The following FAM3D variants were observed in gnomAD, a reference collection of about 807,000 sequenced individuals.
FAM3D encodes FAM3 metabolism regulating signaling molecule D, also known as protein FAM3D.
In FAM3D, 26 loss-of-function variants were observed where a neutral mutation model predicts 29.8. The observed-to-expected ratio is 0.87, with a 90% CI of 0.64 to 1.21. The LOEUF is 1.21. Among genes scored for constraint, FAM3D ranks in the 50% most tolerant of loss-of-function variants. The pLI, the probability that FAM3D is intolerant of heterozygous loss-of-function variation, is 0.00. For missense variants in FAM3D, 253 were observed against 290.9 expected (o/e 0.87, Z 0.95); for synonymous variants, 115 against 102.3 (o/e 1.12, Z -0.75).
intron 5 of FAM3D, among the ~76,000 whole-genome samples, chr3:58,644,367 T>C (rs574700229): frequency 2.0e-5 from 3 of 152,304 alleles, no homozygotes; most frequent in Admixed American, 6.5e-5. Flanking sequence ...GTTCTCATGA[T>C]AGTGAGTAAA....
rs780113389 is a variant in FAM3D, at chr3:58,653,758, T to C, written c.37A>G (p.Ile13Val). 33 of 1,613,818 alleles carry C rather than the reference T, an allele frequency of 2.0e-5. No individual in the cohort carries two copies. In the Admixed American group the frequency reaches 2.2e-4, roughly 11 times the overall value. The part of the protein sequence containing the change: ...VSGVLRLLAL[I>V]FAIVTTWMFI... ...ATCCATGTCGTGACTATGGCAAAGA[T>C]GAGGGCCAGGAGGCGAAGCACACCT... Residue 13 changes from isoleucine to valine, a missense_variant, in exon 3 of 10, where the codon ATC (isoleucine) becomes GTC (valine). Transcript: ENST00000358781.
chr3:58,666,043 A>G (rs1284104367), intron 1 of FAM3D, among the ~76,000 whole-genome samples: 1 of 152,206 alleles, frequency 6.6e-6, no homozygotes, highest in Non-Finnish European at 1.5e-5. Context: ...TCAGATCATT[A>G]CCTTATGAGA....
intron 2 of FAM3D, among the ~76,000 whole-genome samples, chr3:58,654,362 G>A (rs1356529856): frequency 6.6e-6 from 1 of 152,208 alleles, no homozygotes; most frequent in Non-Finnish European, 1.5e-5. Context: ...GGTGGCTTGG[G>A]GTTGGGGCTG....
At chr3:58,656,082 T>C (rs1365417637) in intron 1 of FAM3D, among the ~76,000 whole-genome samples, 2 of 152,078 alleles carry the variant, frequency 1.3e-5, no homozygotes, top group Non-Finnish European at 2.9e-5. Flanking sequence ...CCTCCTTCCC[T>C]TCCTTCCTTC....
intron 3 of FAM3D, among the ~76,000 whole-genome samples, chr3:58,651,986 C>T (rs1374143182): frequency 1.3e-5 from 2 of 152,302 alleles, no homozygotes; most frequent in South Asian, 2.1e-4. Flanking sequence ...GAAGGAGTGA[C>T]TGGTTTACTT....
intron 1 of FAM3D, among the ~76,000 whole-genome samples, chr3:58,665,723 A>C (rs1195854897): frequency 6.6e-6 from 1 of 152,200 alleles, no homozygotes; most frequent in East Asian, 1.9e-4. Context: ...GGAAGTTATT[A>C]AATCTCTCAC....
At chr3:58,643,389 C>A (rs574400254) in intron 6 of FAM3D, among the ~76,000 whole-genome samples, 1 of 152,352 alleles carries the variant, frequency 6.6e-6, no homozygotes, top group African/African-American at 2.4e-5. Flanking sequence ...CTTTGAGGAT[C>A]GGGTCATGTT....
intron 1 of FAM3D, among the ~76,000 whole-genome samples, chr3:58,661,198 G>A (rs1362663378): frequency 3.9e-5 from 6 of 152,192 alleles, no homozygotes; most frequent in African/African-American, 1.4e-4. Context: ...CCTGTGCCCT[G>A]GGTGTGGCCT....
chr3:58,634,131 G>C lies in FAM3D; in HGVS notation c.*148C>G. The C allele has an allele frequency of 4.6e-6, 3 of 649,216 alleles. No homozygotes were observed. Among genetic ancestry groups the C allele is most frequent in the Non-Finnish European group, 7.9e-6 (3 of 379,876 alleles). 40.2% of individuals were successfully genotyped at this position (649,216 alleles called of 1,614,324 possible). Reference sequence around the variant, plus strand: ...GCTGTGGGAGGGTTCTGTTTCCGAGGAGGAGAGGCGCGACACAGCGTGCAA... The same window carrying C: ...GCTGTGGGAGGGTTCTGTTTCCGAGCAGGAGAGGCGCGACACAGCGTGCAA... On this transcript the variant is annotated 3_prime_UTR_variant, in exon 10 of 10. Coordinates refer to ENST00000358781, the MANE Select transcript of FAM3D (RefSeq NM_138805.3). This position sits in a 1 kb window ranked among gnomAD's most constrained non-coding sequence, Gnocchi z 4.6.
intron 1 of FAM3D, among the ~76,000 whole-genome samples, chr3:58,659,776 C>T (rs574373633): frequency 8.1e-4 from 124 of 152,334 alleles, no homozygotes; most frequent in African/African-American, 2.8e-3. Context: ...GAGCTGCTCC[C>T]TCCATCTAAA....
intron 4 of FAM3D, 92 bp from the exon 5 acceptor site, chr3:58,645,718 A>C (rs1371799427): frequency 1.9e-6 from 2 of 1,072,086 alleles, no homozygotes; most frequent in Non-Finnish European, 2.9e-6. Context: ...GCCAGGGCGC[A>C]GCTTGGGATG....
intron 5 of FAM3D, 79 bp from the exon 6 acceptor site, chr3:58,643,799 C>G: frequency 7.7e-7 from 1 of 1,305,718 alleles, no homozygotes; most frequent in Non-Finnish European, 1.1e-6. Context: ...TGGGGAACTC[C>G]GTGAGGACCC....
At chr3:58,663,105 G>A (rs2106960904) in intron 1 of FAM3D, among the ~76,000 whole-genome samples, 1 of 152,274 alleles carries the variant, frequency 6.6e-6, no homozygotes, top group African/African-American at 2.4e-5. Flanking sequence ...CAACATGTTG[G>A]CCAGGCTGGT....
intron 7 of FAM3D, among the ~76,000 whole-genome samples, chr3:58,637,915 T>G (rs2364302): frequency 0.98 from 149,395 of 151,858 alleles, 73,508 homozygotes; most frequent in East Asian, 1. Context: ...ACAGAGTTTC[T>G]CTCTCGTTGC....
In FAM3D at chr3:58,638,735, T is replaced by C. The variant is rs974286695; in HGVS notation, c.373+1392A>G. On this transcript the variant is annotated intron_variant, in intron 7 of 9. Coordinates refer to ENST00000358781, the MANE Select transcript of FAM3D (RefSeq NM_138805.3). ...GATTATTAGTATTCCAGTGCGGACC[T>C]CTAGGACCTTGGGGAAGAAGCCATT... Among the ~76,000 whole-genome samples the C allele has an allele frequency of 4.6e-5, 7 of 152,318 alleles. No individual in the cohort carries two copies. In the South Asian group the frequency reaches 1.0e-3, roughly 23 times the overall value.
intron 2 of FAM3D, 42 bp from the exon 3 acceptor site, chr3:58,653,823 G>T: frequency 2.0e-6 from 3 of 1,505,912 alleles, no homozygotes; most frequent in South Asian, 1.1e-5. Context: ...ACAGAGCCAA[G>T]ACCACATTGC....
intron 3 of FAM3D, 50 bp from the exon 4 acceptor site, chr3:58,649,388 T>C (rs894988919): frequency 5.6e-6 from 9 of 1,610,818 alleles, no homozygotes; most frequent in African/African-American, 1.3e-5. Flanking sequence ...CGGACCCTCC[T>C]GCAGGATGGA....
intron 1 of FAM3D, among the ~76,000 whole-genome samples, chr3:58,663,253 G>C (rs988870232): frequency 1.3e-5 from 2 of 152,200 alleles, no homozygotes; most frequent in African/African-American, 4.8e-5. Context: ...CTTTCTGCTG[G>C]AGTGGCTAAG....
intron 3 of FAM3D, among the ~76,000 whole-genome samples, chr3:58,651,362 T>C (rs891736143): frequency 1.3e-5 from 2 of 152,160 alleles, no homozygotes; most frequent in Admixed American, 6.5e-5. Context: ...TAAATGAAAA[T>C]TACTCCCTTC....
Sources: gnomAD v4.1 joint callset for allele counts (sites outside exome capture counted in the v4.1 genomes callset) on GRCh38, gnomAD v4.1.1 for gene constraint, Gnocchi (gnomAD v3.1) non-coding constraint, MANE v1.5 for transcripts, NCBI Gene and HGNC (gene_info 2026-07-23, HGNC 2026-07-21) for gene names.